MAPK10: variants seen among roughly 807,000 people sequenced by gnomAD.
MAPK10 encodes the protein JNK3 alpha protein kinase.
MAPK10 carries 25 observed loss-of-function variants against 59.3 expected under a neutral mutation model. The observed-to-expected ratio is 0.42, with a 90% CI of 0.31 to 0.59. The LOEUF (loss-of-function observed/expected upper bound fraction) is 0.59. Among genes scored for constraint, MAPK10 ranks in the 20% least tolerant of loss-of-function variants. The pLI is 0.15. For synonymous variants in MAPK10, 190 were observed against 200.5 expected, an observed-to-expected ratio of 0.95 and a Z score of 0.44; for missense variants, 351 against 568.9, an observed-to-expected ratio of 0.62 and a Z score of 3.90.
In MAPK10 at chr4:86,101,096, T is replaced by C; in HGVS notation, c.686A>G (p.Tyr229Cys). Residue 229 changes from tyrosine to cysteine, a missense_variant, in exon 8 of 14, where the codon TAC becomes TGC. Physicochemically the swap from Tyr to Cys is radical, Grantham distance 194. Around this residue, in one of 5 missense-constraint regions of MAPK10, gnomAD observed 76 missense variants for 197.9 expected, o/e 0.38. Transcript: ENST00000641462. ...MMTPYVVTRY[Y>C]RAPEVILGMG... ...CCCCAGGATGACCTCAGGGGCTCTG[T>C]AATAACGTGTCACCACATATGGAGT... 1 of 1,614,018 alleles carries C rather than the reference T, an allele frequency of 6.2e-7. No individual in the cohort carries two copies. The highest frequency in any genetic ancestry group is 8.5e-7 in the Non-Finnish European group (1 of 1,179,922).
At chr4:86,448,951 T>C (rs1158058435) in intron 1 of MAPK10, among the ~76,000 whole-genome samples, 1 of 152,174 alleles carries the variant, frequency 6.6e-6, no homozygotes, top group Non-Finnish European at 1.5e-5. Flanking sequence ...CCAAGATCCC[T>C]TGCATGCACA....
chr4:86,153,808 C>A (rs1435119393), intron 4 of MAPK10, among the ~76,000 whole-genome samples: 1 of 152,060 alleles, frequency 6.6e-6, no homozygotes, highest in Non-Finnish European at 1.5e-5. Flanking sequence ...TAATTCTGTC[C>A]TATTCTGCTG....
intron 1 of MAPK10, among the ~76,000 whole-genome samples, chr4:86,369,161 T>C (rs1395361727): frequency 6.6e-6 from 1 of 152,194 alleles, no homozygotes; most frequent in East Asian, 1.9e-4. Context: ...CTGCAACCTT[T>C]AATGGGGCTA....
intron 1 of MAPK10, among the ~76,000 whole-genome samples, chr4:86,507,615 GATAT>G (rs767683551): frequency 0.056 from 2,003 of 35,536 alleles, 108 homozygotes; most frequent in Non-Finnish European, 0.079. Flanking sequence ...ATAAACTGGA[GATAT>G]ATATATATAT....
chr4:86,094,630 G>A (rs1296620482), intron 9 of MAPK10, among the ~76,000 whole-genome samples: 4 of 151,876 alleles, frequency 2.6e-5, no homozygotes, highest in Non-Finnish European at 5.9e-5. Context: ...TGGGACTATA[G>A]GAGTCTTTGA....
At chr4:86,065,376 T>C (rs1237753962) in intron 10 of MAPK10, 1 of 152,240 alleles carries the variant, frequency 6.6e-6, no homozygotes, top group Non-Finnish European at 1.5e-5. Flanking sequence ...GCCAGTCTAA[T>C]GCTACACCAG....
intron 1 of MAPK10, among the ~76,000 whole-genome samples, chr4:86,554,543 T>C (rs1454093100): frequency 1.3e-5 from 2 of 152,196 alleles, no homozygotes; most frequent in African/African-American, 2.4e-5. Flanking sequence ...CACACCCAAA[T>C]TGTGTCAATT....
intron 1 of MAPK10, among the ~76,000 whole-genome samples, chr4:86,474,527 T>C (rs1218988893): frequency 6.6e-6 from 1 of 152,218 alleles, no homozygotes. Flanking sequence ...CAATTATAAA[T>C]TGTCTTTGGC....
chr4:86,580,625 T>C (rs1262572006), intron 1 of MAPK10, among the ~76,000 whole-genome samples: 1 of 152,184 alleles, frequency 6.6e-6, no homozygotes, highest in African/African-American at 2.4e-5. Flanking sequence ...TTTAAAAAAA[T>C]CCTGAGATAG....
intron 3 of MAPK10, chr4:86,193,940 G>T: frequency 5.3e-6 from 1 of 189,336 alleles, no homozygotes; most frequent in Admixed American, 5.4e-5. Context: ...TGTAGCATCT[G>T]CGCCAGAGTG....
intron 2 of MAPK10, among the ~76,000 whole-genome samples, chr4:86,348,690 C>T (rs1232073332): frequency 6.6e-6 from 1 of 152,080 alleles, no homozygotes; most frequent in East Asian, 1.9e-4. Flanking sequence ...AATTTATGTG[C>T]AGTACCTACT....
At chr4:86,205,633 C>T (rs896607464) in intron 2 of MAPK10, among the ~76,000 whole-genome samples, 2 of 151,650 alleles carry the variant, frequency 1.3e-5, no homozygotes, top group Non-Finnish European at 2.9e-5. Context: ...TAGAGTTTAT[C>T]CCAAGTATAC....
intron 2 of MAPK10, among the ~76,000 whole-genome samples, chr4:86,319,339 A>G (rs2095847085): frequency 1.3e-5 from 2 of 152,202 alleles, no homozygotes; most frequent in South Asian, 4.1e-4. Flanking sequence ...TTCATTTCAG[A>G]GTCCAAAGAC....
chr4:86,396,937 TTTGAG>T (rs200061357), intron 1 of MAPK10, among the ~76,000 whole-genome samples: 1,531 of 152,278 alleles, frequency 0.01, 18 homozygotes, highest in African/African-American at 0.035. Context: ...ATTATTACAG[TTTGAG>T]TTAAGTGTAC....
At chr4:86,386,917 A>G (rs958126985) in intron 1 of MAPK10, among the ~76,000 whole-genome samples, 9 of 152,182 alleles carry the variant, frequency 5.9e-5, no homozygotes, top group Non-Finnish European at 8.8e-5. Flanking sequence ...TCGAATGTGG[A>G]ACATCATATG....
At chr4:86,113,505 T>C (rs2057847831) in intron 4 of MAPK10, among the ~76,000 whole-genome samples, 1 of 152,166 alleles carries the variant, frequency 6.6e-6, no homozygotes, top group Non-Finnish European at 1.5e-5. Context: ...AAATTCTGGG[T>C]TGGAAACTCT....
intron 2 of MAPK10, among the ~76,000 whole-genome samples, chr4:86,281,010 G>T (rs915316582): frequency 1.3e-5 from 2 of 152,036 alleles, no homozygotes; most frequent in African/African-American, 4.8e-5. Flanking sequence ...CACTACCTGG[G>T]TAACAGTTTC....
intron 4 of MAPK10, among the ~76,000 whole-genome samples, chr4:86,120,932 T>C (rs1466727438): frequency 6.6e-6 from 1 of 152,178 alleles, no homozygotes; most frequent in African/African-American, 2.4e-5. Context: ...TTTCTAACTT[T>C]GCAATAAAAC....
rs1316736041 is a variant in MAPK10 at position 86,180,267 on chromosome 4, CA to C, written c.66+14068del. On this transcript the variant is annotated intron_variant, in intron 3 of 13. Coordinates refer to ENST00000641462, the MANE Select transcript of MAPK10 (RefSeq NM_138982.4). ...CACTAATCATCAGAAAACTACAAATCAAAACCACATTGATGTGTTATTCTAC... is the reference window on the plus strand; with the variant it reads ...CACTAATCATCAGAAAACTACAAATCAAACCACATTGATGTGTTATTCTAC... 2.6e-5 allele frequency among the ~76,000 whole-genome samples: 4 copies of C among 151,964 alleles called. No homozygotes were observed. The East Asian group carries it at 7.7e-4, about 29-fold the overall frequency.
Sources: gnomAD v4.1 joint callset for allele counts (sites outside exome capture counted in the v4.1 genomes callset) on GRCh38, gnomAD v4.1.1 for gene constraint, gnomAD v4.1.1 regional missense constraint, MANE v1.5 for transcripts, NCBI Gene and HGNC (gene_info 2026-07-23, HGNC 2026-07-21) for gene names.